The following PXT1 variants were observed in gnomAD, a reference collection of about 807,000 sequenced individuals.
PXT1 encodes the protein peroxisomal testis enriched protein 1, also known as peroxisomal testis-specific protein 1.
In PXT1, 11 loss-of-function variants were observed where a neutral mutation model predicts 11.0. The ratio of observed to expected loss-of-function variants is 1.00; its 90% confidence interval spans 0.63 to 1.66. PXT1 has a LOEUF of 1.66. Ranked by LOEUF, PXT1 falls within the 40% of genes most tolerant of loss-of-function variation. The pLI is 0.00. For missense variants in PXT1, 141 were observed against 155.5 expected (o/e 0.91, Z 0.49); for synonymous variants, 43 against 51.4 (o/e 0.84, Z 0.70).
chr6:36,407,044 T>C (rs752613394), intron 3 of PXT1, among the ~76,000 whole-genome samples: 1 of 152,210 alleles, frequency 6.6e-6, no homozygotes, highest in Non-Finnish European at 1.5e-5. Context: ...TGTAGGAGTA[T>C]ATGTTGGCTA....
intron 3 of PXT1, among the ~76,000 whole-genome samples, chr6:36,417,882 C>A (rs1449842723): frequency 2.0e-5 from 3 of 151,940 alleles, no homozygotes; most frequent in East Asian, 3.9e-4. Flanking sequence ...CTGCACAAGA[C>A]AATCAGCTTG....
intron 3 of PXT1, among the ~76,000 whole-genome samples, chr6:36,403,300 C>T (rs1774240126): frequency 6.6e-6 from 1 of 152,212 alleles, no homozygotes; most frequent in South Asian, 2.1e-4. Flanking sequence ...TGTCTGGCTG[C>T]AAAGCCCATG....
At chr6:36,425,855 T>A in intron 3 of PXT1, 59 bp downstream of exon 3, 1 of 1,121,224 alleles carries the variant, frequency 8.9e-7, no homozygotes, top group East Asian at 2.8e-5. Flanking sequence ...ATGGTCTTAA[T>A]AGCAAGAAAA....
At chr6:36,421,799 C>G (rs1774528474) in intron 3 of PXT1, among the ~76,000 whole-genome samples, 1 of 152,178 alleles carries the variant, frequency 6.6e-6, no homozygotes, top group African/African-American at 2.4e-5. Context: ...GACTGGTTTT[C>G]AAAGCCCTTG....
chr6:36,401,615 CAAAAAAA>C (rs140178346), intron 3 of PXT1, among the ~76,000 whole-genome samples: 1 of 115,078 alleles, frequency 8.7e-6, no homozygotes. Flanking sequence ...GACCCTGTCT[CAAAAAAA>C]AAAAAAAAAA....
rs557132297 is a variant in PXT1 at position 36,428,861 on chromosome 6, G to T, written c.-9-2770C>A. Among the ~76,000 whole-genome samples, 17 of 151,908 alleles carry T rather than the reference G, an allele frequency of 1.1e-4. No individual in the cohort carries two copies. The East Asian group carries it at 3.1e-3, about 28-fold the overall frequency. ...AGTAGAGACGGGGTTTCACCAAGTT[G>T]TCCAGGCTGGTCTCGGACTCCCAAC... On this transcript the variant is annotated intron_variant, in intron 2 of 4. Coordinates refer to ENST00000454782, the MANE Select transcript of PXT1 (RefSeq NM_152990.4).
intron 3 of PXT1, among the ~76,000 whole-genome samples, chr6:36,412,702 C>G (rs1774391927): frequency 3.3e-5 from 5 of 150,904 alleles, no homozygotes; most frequent in Admixed American, 2.6e-4. Flanking sequence ...TTCAAGCGAT[C>G]CTTTCATCTT....
chr6:36,411,833 C>G (rs1177805252), intron 3 of PXT1, among the ~76,000 whole-genome samples: 2 of 151,910 alleles, frequency 1.3e-5, no homozygotes, highest in Non-Finnish European at 2.9e-5. Context: ...TCTGTAGTCC[C>G]ACCTACTCAG....
intron 4 of PXT1, among the ~76,000 whole-genome samples, chr6:36,394,581 G>C (rs755313393): frequency 6.6e-6 from 1 of 152,108 alleles, no homozygotes; most frequent in Non-Finnish European, 1.5e-5. Flanking sequence ...ATAGAGACAG[G>C]GGCGTAGGGA....
At chr6:36,439,186 C>G (rs1047391375) in intron 1 of PXT1, among the ~76,000 whole-genome samples, 5 of 151,524 alleles carry the variant, frequency 3.3e-5, no homozygotes, top group Non-Finnish European at 7.4e-5. Flanking sequence ...TTAGTAGAGA[C>G]GGGGTTTCAC....
intron 4 of PXT1, among the ~76,000 whole-genome samples, chr6:36,397,502 T>C (rs1223362554): frequency 1.3e-5 from 2 of 152,134 alleles, no homozygotes; most frequent in African/African-American, 2.4e-5. Context: ...CTAAAATGTA[T>C]GTAAAAATTA....
rs188562660 is a variant in PXT1 at position 36,412,327 on chromosome 6, G to T, written c.170-11743C>A. On this transcript the variant is annotated intron_variant, in intron 3 of 4. Coordinates refer to ENST00000454782, the MANE Select transcript of PXT1 (RefSeq NM_152990.4). ...AGATTGTGCCACTGCACTCCAGCCT[G>T]GGTGACAGAGTGAGACTCTGTCTCA... Among the ~76,000 whole-genome samples, 432 of 151,576 alleles carry T rather than the reference G, an allele frequency of 2.9e-3. 1 individual carries two copies. Among genetic ancestry groups the T allele is most frequent in the South Asian group, 5.0e-3 (24 of 4,782 alleles).
At chr6:36,441,069 C>T (rs1264957179) in intron 1 of PXT1, among the ~76,000 whole-genome samples, 1 of 149,336 alleles carries the variant, frequency 6.7e-6, no homozygotes, top group Non-Finnish European at 1.5e-5. Flanking sequence ...GAGTTCAAGA[C>T]CTGCCTGGGC....
chr6:36,399,697 G>C (rs1774188603), intron 4 of PXT1, among the ~76,000 whole-genome samples: 1 of 152,134 alleles, frequency 6.6e-6, no homozygotes, highest in African/African-American at 2.4e-5. Flanking sequence ...CTGTCACAAA[G>C]CCCATGTAAT....
rs11962189 is a variant in PXT1 at position 36,439,735 on chromosome 6, C to G, written c.-129-849G>C. ...CATAAACAAGAGGTCATGTGAGCTG[C>G]CAGAGCCAGTACATGGGATACGAAG... On this transcript the variant is annotated intron_variant, in intron 1 of 4. Transcript: ENST00000454782. 3.3e-3 allele frequency among the ~76,000 whole-genome samples: 493 copies of G among 151,656 alleles called. 2 individuals are homozygous for G. The highest frequency in any genetic ancestry group is 0.011 in the African/African-American group (473 of 41,288).
chr6:36,442,418 T>C (rs1219949642), intron 1 of PXT1, 117 bp downstream of exon 1: 1 of 152,230 alleles, frequency 6.6e-6, no homozygotes, highest in Non-Finnish European at 1.5e-5. Flanking sequence ...TCATAGGACA[T>C]GGACCATATA....
At chr6:36,430,162 G>A (rs59955083) in intron 2 of PXT1, among the ~76,000 whole-genome samples, 36,871 of 151,234 alleles carry the variant, frequency 0.24, 4,690 homozygotes, top group East Asian at 0.39. Context: ...GGGTGAGATC[G>A]CACCAGTGTA....
At chr6:36,400,353 A>C in intron 4 of PXT1, 101 bp downstream of exon 4, 2 of 1,365,522 alleles carry the variant, frequency 1.5e-6, no homozygotes, top group Non-Finnish European at 2.0e-6. Flanking sequence ...TATTCCATTA[A>C]TTCTGATAAT....
chr6:36,413,559 A>G (rs1441445888), intron 3 of PXT1, among the ~76,000 whole-genome samples: 4 of 152,266 alleles, frequency 2.6e-5, no homozygotes, highest in African/African-American at 9.6e-5. Context: ...TTGAGGAGAC[A>G]CATGAATTCA....
Sources: gnomAD v4.1 joint callset for allele counts (sites outside exome capture counted in the v4.1 genomes callset) on GRCh38, gnomAD v4.1.1 for gene constraint, MANE v1.5 for transcripts, NCBI Gene and HGNC (gene_info 2026-07-23, HGNC 2026-07-21) for gene names.